PLCXD3: variants seen among roughly 807,000 people sequenced by gnomAD.
PLCXD3 encodes PI-PLC X domain-containing protein 3.
PLCXD3 carries 19 observed loss-of-function variants against 25.5 expected under a neutral mutation model. The ratio of observed to expected loss-of-function variants is 0.75; its 90% CI spans 0.52 to 1.09. The LOEUF (loss-of-function observed/expected upper bound fraction) is 1.09, where lower values mean the gene tolerates loss of function less well. PLCXD3 is among the 50% of genes least tolerant of loss of function. PLCXD3 has a pLI of 0.00. For synonymous variants in PLCXD3, 174 were observed against 137.6 expected (o/e 1.26, Z -1.85); for missense variants, 411 against 388.1 (o/e 1.06, Z -0.50).
At position 41,462,024 on chromosome 5, in the gene PLCXD3, G is replaced by A. The variant is rs530198938; in HGVS notation, c.103+48400C>T. Among the ~76,000 whole-genome samples, 99 of 152,050 alleles carry A rather than the reference G, an allele frequency of 6.5e-4. 2 individuals carry two copies. The highest frequency in any genetic ancestry group is 2.2e-3 in the African/African-American group (93 of 41,494). Reference sequence around the variant, plus strand: ...CCTCTCCCAGTAGCCTGAAAGAGCCGGAAGCTCACACGTGCACTCAGGCTA... The same window carrying A: ...CCTCTCCCAGTAGCCTGAAAGAGCCAGAAGCTCACACGTGCACTCAGGCTA... On this transcript the variant is annotated intron_variant, in intron 1 of 2. Coordinates refer to ENST00000377801, the MANE Select transcript of PLCXD3 (RefSeq NM_001005473.3).
chr5:41,396,001 G>GGA (rs578172758), intron 1 of PLCXD3, among the ~76,000 whole-genome samples: 2 of 141,310 alleles, frequency 1.4e-5, no homozygotes, highest in Non-Finnish European at 3.1e-5. Context: ...GCCCATCAAA[G>GGA]AAAAAAAAAA....
intron 1 of PLCXD3, among the ~76,000 whole-genome samples, chr5:41,484,138 G>T (rs1331771171): frequency 6.6e-6 from 1 of 151,980 alleles, no homozygotes; most frequent in African/African-American, 2.4e-5. Flanking sequence ...AACATTAGGG[G>T]TATAGGGGGC....
chr5:41,365,388 T>C (rs565687820), intron 2 of PLCXD3, among the ~76,000 whole-genome samples: 7 of 152,358 alleles, frequency 4.6e-5, no homozygotes, highest in Admixed American at 4.6e-4. Context: ...GCCATCTTTC[T>C]TTCCTTGGAA....
At chr5:41,332,503 A>C (rs917452212) in intron 2 of PLCXD3, among the ~76,000 whole-genome samples, 14 of 152,198 alleles carry the variant, frequency 9.2e-5, no homozygotes, top group African/African-American at 2.9e-4. Context: ...GTGGGACTGT[A>C]AACTAGTTCA....
At chr5:41,378,863 A>G (rs1306966366) in intron 2 of PLCXD3, among the ~76,000 whole-genome samples, 1 of 152,058 alleles carries the variant, frequency 6.6e-6, no homozygotes, top group East Asian at 1.9e-4. Flanking sequence ...CAGTTTAACT[A>G]TGACTTGAAA....
intron 1 of PLCXD3, among the ~76,000 whole-genome samples, chr5:41,407,612 T>G (rs910777183): frequency 6.6e-6 from 1 of 152,164 alleles, no homozygotes; most frequent in African/African-American, 2.4e-5. Context: ...TTTTATGTCA[T>G]TAAAGACAAC....
rs751131624 is a variant in PLCXD3 at position 41,440,249 on chromosome 5, T to TTTTTTTTTTTTTTTTTTTTTTTG, written c.104-57716_104-57715insCAAAAAAAAAAAAAAAAAAAAAA. Among the ~76,000 whole-genome samples the TTTTTTTTTTTTTTTTTTTTTTTG allele has an allele frequency of 7.6e-4, 76 of 100,390 alleles. 7 individuals carry two copies. The highest frequency in any genetic ancestry group is 1.1e-3 in the South Asian group (3 of 2,718). The allele number at this position is 100,390 out of a possible 152,430, so 65.9% of individuals were successfully genotyped here. On this transcript the variant is annotated intron_variant, in intron 1 of 2. Coordinates refer to ENST00000377801, the MANE Select transcript of PLCXD3 (RefSeq NM_001005473.3). ...TTTTTTTTTTTTTTTTTTTTTTTTTTTTAGTCAGAGTCTCACTGTGTCACC... is the reference window on the plus strand; with the variant it reads ...TTTTTTTTTTTTTTTTTTTTTTTTTTTTTTTTTTTTTTTTTTTTTTTTGTTAGTCAGAGTCTCACTGTGTCACC...
intron 2 of PLCXD3, among the ~76,000 whole-genome samples, chr5:41,364,448 G>C (rs543916313): frequency 2.6e-5 from 4 of 152,114 alleles, no homozygotes; most frequent in Non-Finnish European, 5.9e-5. Context: ...AATCCTATTT[G>C]CCTTAGATTC....
intron 1 of PLCXD3, chr5:41,475,694 G>C (rs1185625655): frequency 1.9e-6 from 1 of 534,610 alleles, no homozygotes; most frequent in East Asian, 5.4e-5. Context: ...TACTATTTGA[G>C]ACCATCACTA....
intron 1 of PLCXD3, among the ~76,000 whole-genome samples, chr5:41,409,888 G>A (rs1187010197): frequency 6.6e-6 from 1 of 152,116 alleles, no homozygotes; most frequent in Non-Finnish European, 1.5e-5. Context: ...CAATATTCAA[G>A]AAGTATTAAC....
rs150031952 is a variant in PLCXD3, at chr5:41,417,118, G to A, written c.104-34584C>T. Among the ~76,000 whole-genome samples the A allele has an allele frequency of 6.6e-5, 10 of 152,146 alleles. 1 individual carries two copies. The highest frequency in any genetic ancestry group is 2.2e-4 in the African/African-American group (9 of 41,506). ...TACATATCCCTTGCTGAGCTATTAC[G>A]ATAATCAAGTGAAACACTGAAATAG... On this transcript the variant is annotated intron_variant, in intron 1 of 2. Transcript: ENST00000377801.
intron 1 of PLCXD3, among the ~76,000 whole-genome samples, chr5:41,452,673 A>G (rs1343604420): frequency 7.9e-5 from 12 of 152,062 alleles, no homozygotes; most frequent in Non-Finnish European, 8.8e-5. Flanking sequence ...TGTATAATCT[A>G]CTTCAAGGTC....
At chr5:41,404,183 T>G (rs1242668109) in intron 1 of PLCXD3, among the ~76,000 whole-genome samples, 1 of 152,092 alleles carries the variant, frequency 6.6e-6, no homozygotes, top group Non-Finnish European at 1.5e-5. Context: ...AGTCAGTAAC[T>G]CACTGTTTAA....
chr5:41,505,911 T>G (rs1196994954), intron 1 of PLCXD3, among the ~76,000 whole-genome samples: 2 of 152,242 alleles, frequency 1.3e-5, no homozygotes, highest in African/African-American at 4.8e-5. Context: ...ATGTATAGAC[T>G]GCATGGTGCA....
chr5:41,332,341 A>C (rs576292323), intron 2 of PLCXD3, among the ~76,000 whole-genome samples: 2 of 152,282 alleles, frequency 1.3e-5, no homozygotes, highest in Non-Finnish European at 2.9e-5. Flanking sequence ...ACACATGAAA[A>C]AATGCTCACC....
chr5:41,507,895 C>G (rs1352006073), intron 1 of PLCXD3, among the ~76,000 whole-genome samples: 1 of 152,178 alleles, frequency 6.6e-6, no homozygotes, highest in African/African-American at 2.4e-5. Flanking sequence ...TTAATAGTCT[C>G]CAATTAGTCT....
intron 1 of PLCXD3, among the ~76,000 whole-genome samples, chr5:41,464,091 C>A (rs901742684): frequency 5.3e-5 from 8 of 151,964 alleles, no homozygotes; most frequent in African/African-American, 1.7e-4. Context: ...CAACCTCATA[C>A]CCACTACTGA....
chr5:41,358,449 C>A (rs964316425), intron 2 of PLCXD3, among the ~76,000 whole-genome samples: 2 of 152,126 alleles, frequency 1.3e-5, no homozygotes, highest in Non-Finnish European at 2.9e-5. Flanking sequence ...TTATTCCTCA[C>A]CCCCACTCCC....
intron 1 of PLCXD3, among the ~76,000 whole-genome samples, chr5:41,484,684 T>C (rs916801198): frequency 2.6e-5 from 4 of 152,164 alleles, no homozygotes; most frequent in Admixed American, 2.6e-4. Flanking sequence ...AACCTGTGTA[T>C]AGGTAACGGA....
Sources: allele counts gnomAD v4.1 joint callset (sites outside exome capture counted in the v4.1 genomes callset), GRCh38; gene constraint gnomAD v4.1.1; transcripts MANE v1.5; gene names NCBI Gene and HGNC (gene_info 2026-07-23, HGNC 2026-07-21).